AUTS2: variants seen among roughly 807,000 people sequenced by gnomAD.
The protein encoded by AUTS2 is autism susceptibility gene 2 protein.
AUTS2 carries 17 observed loss-of-function variants against 112.4 expected under a neutral mutation model. The ratio of observed to expected loss-of-function variants is 0.15; its 90% CI spans 0.10 to 0.23. The LOEUF is 0.23. Among genes scored for constraint, AUTS2 ranks in the 10% least tolerant of loss-of-function variants. The pLI is 1.00. For synonymous variants in AUTS2, 751 were observed against 702.7 expected (o/e 1.07, Z -1.09); for missense variants, 1,510 against 1,701.6 (o/e 0.89, Z 1.98).
chr7:70,650,221 C>A (rs1250366208), intron 5 of AUTS2, among the ~76,000 whole-genome samples: 2 of 152,204 alleles, frequency 1.3e-5, no homozygotes, highest in Non-Finnish European at 2.9e-5. Context: ...TAGCAAACTT[C>A]CCCTCAGGTT....
intron 14 of AUTS2, among the ~76,000 whole-genome samples, chr7:70,780,687 A>G (rs1358856724): frequency 2.0e-5 from 3 of 152,108 alleles, no homozygotes; most frequent in Non-Finnish European, 2.9e-5. Flanking sequence ...CCCTCCCCCA[A>G]CCTTCCTCAG....
chr7:70,229,645 T>C (rs1341253485), intron 4 of AUTS2, among the ~76,000 whole-genome samples: 2 of 152,188 alleles, frequency 1.3e-5, no homozygotes, highest in African/African-American at 4.8e-5. Flanking sequence ...CATTATTTCT[T>C]CAAATACTTT....
rs115745300 is a variant in AUTS2 at position 70,766,489 on chromosome 7, C to T, written c.1689+155C>T. 3,717 of 963,544 alleles carry T rather than the reference C, an allele frequency of 3.9e-3. 103 individuals carry two copies. The African/African-American group carries it at 0.054, about 14-fold the overall frequency. 59.7% of individuals were successfully genotyped at this position (963,544 alleles called of 1,614,324 possible). On this transcript the variant is annotated intron_variant, in intron 9 of 18. Coordinates refer to ENST00000342771, the MANE Select transcript of AUTS2 (RefSeq NM_015570.4). This position sits in a 1 kb window ranked among gnomAD's most constrained non-coding sequence, Gnocchi z 4.8. ...AAGGGAATGTGTCCTAGTGCCCTGC[C>T]TCAGGCAGCTCTGACTTCAGGGGCC...
chr7:70,238,762 C>G, intron 4 of AUTS2, among the ~76,000 whole-genome samples: 1 of 151,816 alleles, frequency 6.6e-6, no homozygotes, highest in Admixed American at 6.6e-5. Context: ...TCTTACAATC[C>G]CCCACCTTAT....
At chr7:70,674,305 A>G (rs1293859035) in intron 5 of AUTS2, among the ~76,000 whole-genome samples, 1 of 152,186 alleles carries the variant, frequency 6.6e-6, no homozygotes, top group Non-Finnish European at 1.5e-5. Context: ...CTTCCTAGGG[A>G]TGATGACTGA....
chr7:70,416,708 G>A (rs975468713), intron 4 of AUTS2, among the ~76,000 whole-genome samples: 1 of 152,190 alleles, frequency 6.6e-6, no homozygotes, highest in Non-Finnish European at 1.5e-5. Context: ...TGCTACCACA[G>A]CCCTGCCGAC....
At chr7:70,760,304 C>CTAG (rs1260871111) in intron 6 of AUTS2, among the ~76,000 whole-genome samples, 1 of 152,230 alleles carries the variant, frequency 6.6e-6, no homozygotes, top group Non-Finnish European at 1.5e-5. Flanking sequence ...CGCACCCGGC[C>CTAG]TACAAAAAGA....
chr7:70,650,578 C>G (rs1005282187), intron 5 of AUTS2, among the ~76,000 whole-genome samples: 2 of 152,238 alleles, frequency 1.3e-5, no homozygotes, highest in African/African-American at 4.8e-5. Flanking sequence ...CCCCACTCAG[C>G]TTTCTTCCTG....
chr7:69,839,622 A>G (rs764455991), intron 1 of AUTS2, among the ~76,000 whole-genome samples: 2 of 152,090 alleles, frequency 1.3e-5, no homozygotes, highest in Non-Finnish European at 2.9e-5. Context: ...TTACAAGAAA[A>G]CCCAAGATCT....
At position 70,777,119 on chromosome 7, in the gene AUTS2, G is replaced by A; in HGVS notation, c.1949G>A (p.Cys650Tyr). ...RPMLRKPGKW[C>Y]AMHVHIAWQI... Reference sequence around the variant, plus strand: ...TTGTTCCAGAAACCAGGGAAGTGGTGTGCTATGCATGTTCACATCGCCTGG... The same window carrying A: ...TTGTTCCAGAAACCAGGGAAGTGGTATGCTATGCATGTTCACATCGCCTGG... Residue 650 changes from cysteine (C) to tyrosine (Y), a missense_variant, in exon 14 of 19, where the codon TGT (cysteine) becomes TAT (tyrosine). Physicochemically the swap from Cys to Tyr is radical, Grantham distance 194 (BLOSUM62 -2). Transcript: ENST00000342771. 1 of 1,614,132 alleles carries A rather than the reference G, an allele frequency of 6.2e-7. No homozygotes were observed. Among genetic ancestry groups the A allele is most frequent in the Non-Finnish European group, 8.5e-7 (1 of 1,180,022 alleles).
intron 1 of AUTS2, among the ~76,000 whole-genome samples, chr7:69,869,651 C>T (rs893800227): frequency 1.3e-5 from 2 of 151,750 alleles, no homozygotes; most frequent in South Asian, 2.1e-4. Flanking sequence ...TAGCATCCCT[C>T]GGTTGTTGTA....
At chr7:70,249,236 A>AT (rs1813085690) in intron 4 of AUTS2, among the ~76,000 whole-genome samples, 2 of 151,786 alleles carry the variant, frequency 1.3e-5, no homozygotes, top group South Asian at 2.1e-4. Flanking sequence ...GGTTGAAATT[A>AT]TTTTTTGCGT....
At chr7:70,654,500 T>A (rs572571705) in intron 5 of AUTS2, among the ~76,000 whole-genome samples, 1 of 152,348 alleles carries the variant, frequency 6.6e-6, no homozygotes, top group African/African-American at 2.4e-5. Context: ...TTATTTTTTT[T>A]AATTGTATTA....
chr7:70,665,399 G>A (rs1807280388), intron 5 of AUTS2, among the ~76,000 whole-genome samples: 1 of 152,038 alleles, frequency 6.6e-6, no homozygotes, highest in South Asian at 2.1e-4. Context: ...GAGTAGCCGA[G>A]ACTACAGGCA....
chr7:69,854,122 A>G (rs959311607), intron 1 of AUTS2, among the ~76,000 whole-genome samples: 1 of 152,174 alleles, frequency 6.6e-6, no homozygotes, highest in African/African-American at 2.4e-5. Context: ...TGCAGTTGGA[A>G]TACCCTAATA....
intron 5 of AUTS2, among the ~76,000 whole-genome samples, chr7:70,458,742 C>T (rs1353214255): frequency 1.3e-5 from 2 of 152,186 alleles, no homozygotes; most frequent in African/African-American, 2.4e-5. Flanking sequence ...TAAACCCAAA[C>T]ACGGAAAAGC....
At chr7:69,775,658 A>G (rs889279266) in intron 1 of AUTS2, among the ~76,000 whole-genome samples, 7 of 152,114 alleles carry the variant, frequency 4.6e-5, no homozygotes, top group African/African-American at 1.7e-4. Flanking sequence ...CGCAGCACAC[A>G]TTTCAAGGCA....
At chr7:69,775,947 CA>C (rs1788875207) in intron 1 of AUTS2, among the ~76,000 whole-genome samples, 1 of 152,166 alleles carries the variant, frequency 6.6e-6, no homozygotes, top group South Asian at 2.1e-4. Flanking sequence ...AGACCTCCCC[CA>C]CCCCACTTCT....
chr7:70,216,305 G>T (rs545353841), intron 4 of AUTS2, among the ~76,000 whole-genome samples: 77 of 152,308 alleles, frequency 5.1e-4, no homozygotes, highest in African/African-American at 1.8e-3. Flanking sequence ...CGGGCTTGAA[G>T]TCTCAGCCCT....
Sources: allele counts gnomAD v4.1 joint callset (sites outside exome capture counted in the v4.1 genomes callset), GRCh38; gene constraint gnomAD v4.1.1; non-coding constraint Gnocchi (gnomAD v3.1); transcripts MANE v1.5; gene names NCBI Gene and HGNC (gene_info 2026-07-23, HGNC 2026-07-21).